The following LARP1B variants were observed in gnomAD, a reference collection of about 807,000 sequenced individuals.
LARP1B encodes la-related protein 1B.
In LARP1B, 76 loss-of-function variants were observed where a neutral mutation model predicts 114.2. The observed-to-expected ratio is 0.67, with a 90% CI of 0.55 to 0.81. The LOEUF (loss-of-function observed/expected upper bound fraction) is 0.81. LARP1B is among the 30% of genes least tolerant of loss of function. The probability of loss-of-function intolerance (pLI) is 0.00; values close to 1 mark genes in which losing one functional copy is unlikely to be tolerated. For synonymous variants in LARP1B, 345 were observed against 348.0 expected, an observed-to-expected ratio of 0.99 and a Z score of 0.10; for missense variants, 1,014 against 1,075.8, an observed-to-expected ratio of 0.94 and a Z score of 0.80.
chr4:128,221,925 G>T (rs531644255), intron 7 of LARP1B, among the ~76,000 whole-genome samples: 1 of 152,334 alleles, frequency 6.6e-6, no homozygotes, highest in South Asian at 2.1e-4. Context: ...TGCACAGCAT[G>T]TAACACAGTG....
chr4:128,090,233 C>G (rs946934194), intron 5 of LARP1B, among the ~76,000 whole-genome samples: 1 of 151,904 alleles, frequency 6.6e-6, no homozygotes, highest in African/African-American at 2.4e-5. Context: ...CTATGGCACC[C>G]GGATAATTTT....
At chr4:128,135,393 C>T (rs1793047190) in intron 11 of LARP1B, among the ~76,000 whole-genome samples, 1 of 152,090 alleles carries the variant, frequency 6.6e-6, no homozygotes, top group Non-Finnish European at 1.5e-5. Flanking sequence ...ATAGAAATAT[C>T]ATGTTATCCA....
At chr4:128,129,348 C>CA (rs71587364) in intron 11 of LARP1B, among the ~76,000 whole-genome samples, 3,792 of 109,968 alleles carry the variant, frequency 0.034, 237 homozygotes, top group African/African-American at 0.12. Context: ...GACTCCGTCT[C>CA]AAAAAAAAAA....
chr4:128,117,069 G>A (rs1370273347), intron 10 of LARP1B, among the ~76,000 whole-genome samples: 3 of 151,698 alleles, frequency 2.0e-5, no homozygotes, highest in Non-Finnish European at 4.4e-5. Flanking sequence ...GTGCTATCAT[G>A]CCCAGCTAAT....
intron 11 of LARP1B, among the ~76,000 whole-genome samples, chr4:128,126,860 C>T (rs543751154): frequency 8.8e-5 from 13 of 147,172 alleles, no homozygotes; most frequent in South Asian, 2.2e-4. Flanking sequence ...TATAGGATAA[C>T]GGAGAAGGTC....
At chr4:128,073,413 C>T (rs1417020893) in intron 1 of LARP1B, among the ~76,000 whole-genome samples, 3 of 50,142 alleles carry the variant, frequency 6.0e-5, no homozygotes, top group African/African-American at 2.8e-4. Flanking sequence ...GAGAAGATTC[C>T]GTCTCAAAAA....
At chr4:128,119,604 A>G (rs981874635) in intron 10 of LARP1B, among the ~76,000 whole-genome samples, 6 of 152,218 alleles carry the variant, frequency 3.9e-5, no homozygotes, top group African/African-American at 1.2e-4. Context: ...TTGCCATCCA[A>G]TAGTCCATTC....
At chr4:128,100,373 A>T (rs1250548349) in intron 8 of LARP1B, among the ~76,000 whole-genome samples, 1 of 151,966 alleles carries the variant, frequency 6.6e-6, no homozygotes, top group Non-Finnish European at 1.5e-5. Context: ...CCTGGGTTCA[A>T]GTGATTCTCC....
At chr4:128,169,560 TGA>T (rs1055229343) in intron 12 of LARP1B, among the ~76,000 whole-genome samples, 1 of 152,188 alleles carries the variant, frequency 6.6e-6, no homozygotes, top group Admixed American at 6.5e-5. Context: ...ATTATTGATT[TGA>T]GAGTTTCTTT....
At chr4:128,203,072 C>T (rs1407274306) in intron 17 of LARP1B, among the ~76,000 whole-genome samples, 1 of 152,062 alleles carries the variant, frequency 6.6e-6, no homozygotes, top group African/African-American at 2.4e-5. Context: ...GTGGCCTGCG[C>T]TTATAGCTGC....
chr4:128,105,852 C>G (rs1270860373), intron 8 of LARP1B, among the ~76,000 whole-genome samples: 2 of 152,114 alleles, frequency 1.3e-5, no homozygotes, highest in Non-Finnish European at 2.9e-5. Context: ...GTTGACAACA[C>G]TGCACTGTAG....
intron 1 of LARP1B, chr4:128,069,586 C>T: frequency 1.4e-6 from 1 of 715,936 alleles, no homozygotes; most frequent in Non-Finnish European, 2.5e-6. Context: ...TTCTCCATAG[C>T]TCCTGGATTT....
At chr4:128,091,535 C>G (rs200288739) in intron 7 of LARP1B, 23 bp downstream of exon 7, 9 of 1,555,478 alleles carry the variant, frequency 5.8e-6, no homozygotes, top group Non-Finnish European at 7.0e-6. Context: ...TTGATGTAAG[C>G]AGACGGGATA....
Position 128,194,879 on chromosome 4 carries a change from G to A in LARP1B, c.2004-4560G>A, listed in dbSNP as rs1753581593. ...GAGACTCCATCGCAAAAAAAAAAAA[G>A]TTTTCTTTTTTTCTGCTGAAATTCT... is the stretch of plus-strand genomic sequence containing the variant. On this transcript the variant is annotated intron_variant, in intron 15 of 19. Coordinates refer to ENST00000326639, the MANE Select transcript of LARP1B (RefSeq NM_018078.4). 3.3e-5 allele frequency among the ~76,000 whole-genome samples: 5 copies of A among 150,692 alleles called. No homozygotes were observed. The South Asian group carries it at 1.1e-3, about 32-fold the overall frequency.
At chr4:128,175,430 T>C (rs1745470989) in intron 12 of LARP1B, among the ~76,000 whole-genome samples, 2 of 152,194 alleles carry the variant, frequency 1.3e-5, no homozygotes, top group Admixed American at 1.3e-4. Context: ...TATTGATGAA[T>C]ATTCCCTAGA....
intron 6 of LARP1B, 52 bp downstream of exon 6, chr4:128,091,196 A>G: frequency 2.5e-6 from 4 of 1,591,122 alleles, no homozygotes; most frequent in Non-Finnish European, 3.4e-6. Flanking sequence ...AAAAAAATAG[A>G]GCAACTATCC....
rs373182364 is a variant in LARP1B at position 128,075,629 on chromosome 4, C to T, written c.42+636C>T. Among the ~76,000 whole-genome samples, 4 of 151,640 alleles carry T rather than the reference C, an allele frequency of 2.6e-5. No homozygotes were observed. The South Asian group carries it at 6.3e-4, about 24-fold the overall frequency. ...GTGATGTGATCACAGCTCACTGCAGCCTTGGCCTTCCAGGCTCAGGTGATC... is the reference window on the plus strand; with the variant it reads ...GTGATGTGATCACAGCTCACTGCAGTCTTGGCCTTCCAGGCTCAGGTGATC... On this transcript the variant is annotated intron_variant, in intron 3 of 19. Coordinates refer to ENST00000326639, the MANE Select transcript of LARP1B (RefSeq NM_018078.4).
At chr4:128,221,502 T>C (rs1488642796) in intron 7 of LARP1B, among the ~76,000 whole-genome samples, 1 of 152,238 alleles carries the variant, frequency 6.6e-6, no homozygotes, top group African/African-American at 2.4e-5. Context: ...TCTAACAATA[T>C]ACTGCACGTA....
At chr4:128,166,543 A>G (rs980523099) in intron 12 of LARP1B, among the ~76,000 whole-genome samples, 2 of 151,890 alleles carry the variant, frequency 1.3e-5, no homozygotes, top group Non-Finnish European at 2.9e-5. Flanking sequence ...AAGCAAATGA[A>G]CATATTCATT....
Sources: gnomAD v4.1 joint callset for allele counts (sites outside exome capture counted in the v4.1 genomes callset) on GRCh38, gnomAD v4.1.1 for gene constraint, MANE v1.5 for transcripts, NCBI Gene and HGNC (gene_info 2026-07-23, HGNC 2026-07-21) for gene names.